CUX2: variants seen among roughly 807,000 people sequenced by gnomAD.
The protein encoded by CUX2 is homeobox protein cut-like 2.
In CUX2, 40 loss-of-function variants were observed where a neutral mutation model predicts 144.8. The ratio of observed to expected loss-of-function variants is 0.28; its 90% CI spans 0.21 to 0.36. The LOEUF (loss-of-function observed/expected upper bound fraction) is 0.36. Ranked by LOEUF, CUX2 falls within the 10% of genes least tolerant of loss-of-function variation. The pLI, the probability that CUX2 is intolerant of heterozygous loss-of-function variation, is 1.00. For synonymous variants in CUX2, 827 were observed against 875.6 expected (o/e 0.94, Z 0.98); for missense variants, 1,615 against 1,994.0 (o/e 0.81, Z 3.62).
intron 18 of CUX2, among the ~76,000 whole-genome samples, chr12:111,333,163 C>T (rs1372319294): frequency 6.6e-6 from 1 of 152,136 alleles, no homozygotes; most frequent in Non-Finnish European, 1.5e-5. Context: ...GAGCCAAGAT[C>T]ATGCCACTGC....
intron 1 of CUX2, among the ~76,000 whole-genome samples, chr12:111,179,115 G>A (rs1472611833): frequency 1.3e-5 from 2 of 152,112 alleles, no homozygotes; most frequent in Non-Finnish European, 2.9e-5. Flanking sequence ...AGCCCTAGAG[G>A]GGACCGTGGA....
chr12:111,263,872 T>C lies in CUX2; in HGVS notation c.301+33T>C. ...ATGCTTGGGCTCCGTAATTGAATAG[T>C]TAACGACAATAAATAGCCATTAGGA... On this transcript the variant is annotated intron_variant, in intron 4 of 21. Transcript: ENST00000261726. The surrounding 1 kb of genome is among the most constrained non-coding windows in gnomAD (Gnocchi z 4.0). The C allele has an allele frequency of 6.4e-7, 1 of 1,571,094 alleles. No homozygotes were observed. Among genetic ancestry groups the C allele is most frequent in the African/African-American group, 1.3e-5 (1 of 74,122 alleles).
intron 1 of CUX2, among the ~76,000 whole-genome samples, chr12:111,164,339 G>T (rs1373323429): frequency 6.6e-6 from 1 of 152,140 alleles, no homozygotes; most frequent in Non-Finnish European, 1.5e-5. Context: ...ACTTTGGGAG[G>T]CTGAGGCGGG....
intron 18 of CUX2, among the ~76,000 whole-genome samples, chr12:111,333,726 ACCAGTGCCTGTAATC>A (rs1030226392): frequency 2.6e-5 from 4 of 152,270 alleles, no homozygotes; most frequent in African/African-American, 9.6e-5. Flanking sequence ...GATGGTATCC[ACCAGTGCCTGTAATC>A]CCAGCTAGTC....
At position 111,110,456 on chromosome 12, in the gene CUX2, CA is replaced by C. The variant is rs11358130; in HGVS notation, c.63+76217del. 9.3e-3 allele frequency among the ~76,000 whole-genome samples: 1,413 copies of C among 152,294 alleles called. 23 individuals carry two copies. Among genetic ancestry groups the C allele is most frequent in the African/African-American group, 0.032 (1,323 of 41,548 alleles). On this transcript the variant is annotated intron_variant, in intron 1 of 21. Coordinates refer to ENST00000261726, the MANE Select transcript of CUX2 (RefSeq NM_015267.4). ...TATCCCTTCGCCAGAGTGACTCAAA[CA>C]TTAATACGGGCCTCCAAGTGTTACC... is the stretch of plus-strand genomic sequence containing the variant.
rs1258071832 is a variant in CUX2, at chr12:111,312,232, G to A, written c.2002+31G>A. ...TGTGACCCCTGCAGGCAAAGCCTGA[G>A]GCCCCCGGGGCCAGCTGCGAACAGG... On this transcript the variant is annotated intron_variant, in intron 16 of 21. Coordinates refer to ENST00000261726, the MANE Select transcript of CUX2 (RefSeq NM_015267.4). The surrounding 1 kb of genome is among the most constrained non-coding windows in gnomAD (Gnocchi z 4.3). The A allele has an allele frequency of 1.3e-6, 2 of 1,553,760 alleles. No individual in the cohort carries two copies. The highest frequency in any genetic ancestry group is 1.4e-5 in the African/African-American group (1 of 73,256).
intron 4 of CUX2, among the ~76,000 whole-genome samples, chr12:111,276,643 GTTTGT>G (rs60318566): frequency 0.029 from 4,429 of 151,092 alleles, 82 homozygotes; most frequent in Non-Finnish European, 0.041. Context: ...TTGTTTGTTT[GTTTGT>G]TTTGTTTTGT....
intron 1 of CUX2, among the ~76,000 whole-genome samples, chr12:111,126,961 T>G (rs1875123374): frequency 6.6e-6 from 1 of 152,226 alleles, no homozygotes; most frequent in African/African-American, 2.4e-5. Context: ...TCAGTGATGT[T>G]TACTCTTTTC....
chr12:111,139,551 C>G (rs951566111), intron 1 of CUX2, among the ~76,000 whole-genome samples: 2 of 152,156 alleles, frequency 1.3e-5, no homozygotes, highest in African/African-American at 4.8e-5. Context: ...AGAGGAGGCT[C>G]TTCTAAGGCA....
intron 1 of CUX2, among the ~76,000 whole-genome samples, chr12:111,149,527 G>T (rs1656544404): frequency 6.6e-6 from 1 of 152,130 alleles, no homozygotes; most frequent in African/African-American, 2.4e-5. Context: ...ATCCCAAAGT[G>T]AAATGACCAA....
chr12:111,320,604 G>A lies in CUX2; in HGVS notation c.2595G>A (p.Leu865=), dbSNP rs1887478402. ...EGATAEAGAR[L]PYYPAYVPRT... is the part of the protein sequence containing the mutation. ...CGACGGCCGAGGCGGGCGCGCGGCT[G>A]CCCTACTACCCGGCCTACGTGCCGC... The change falls in exon 17 of 22, where the codon CTG becomes CTA. Residue 865 remains leucine, a synonymous_variant. Transcript: ENST00000261726. This position sits in a 1 kb window ranked among gnomAD's most constrained non-coding sequence, Gnocchi z 8.1. The A allele has an allele frequency of 6.4e-7, 1 of 1,557,910 alleles. No homozygotes were observed. The highest frequency in any genetic ancestry group is 8.6e-7 in the Non-Finnish European group (1 of 1,161,148).
chr12:111,249,147 G>A (rs1467212012), intron 3 of CUX2, among the ~76,000 whole-genome samples: 2 of 152,172 alleles, frequency 1.3e-5, no homozygotes, highest in African/African-American at 4.8e-5. Flanking sequence ...GGAGGGGCAG[G>A]CTTTGGCAAG....
chr12:111,217,512 C>T (rs1282234957), intron 2 of CUX2, among the ~76,000 whole-genome samples: 1 of 152,128 alleles, frequency 6.6e-6, no homozygotes, highest in Non-Finnish European at 1.5e-5. Context: ...GGTTACCTCT[C>T]CAGCCCCCAC....
At position 111,186,441 on chromosome 12, in the gene CUX2, A is replaced by G. The variant is rs971893659; in HGVS notation, c.64-27759A>G. On this transcript the variant is annotated intron_variant, in intron 1 of 21. Coordinates refer to ENST00000261726, the MANE Select transcript of CUX2 (RefSeq NM_015267.4). This position sits in a 1 kb window ranked among gnomAD's most constrained non-coding sequence, Gnocchi z 4.4. ...ATGACGTTAAGCTGAGACCCGAAGC[A>G]TAAACTAGGCGGGGAACAGGGGAGC... 1.3e-5 allele frequency among the ~76,000 whole-genome samples: 2 copies of G among 152,212 alleles called. No individual in the cohort carries two copies. Among genetic ancestry groups the G allele is most frequent in the Non-Finnish European group, 2.9e-5 (2 of 68,034 alleles).
chr12:111,299,261 A>G (rs1160211629), intron 9 of CUX2, among the ~76,000 whole-genome samples: 1 of 152,132 alleles, frequency 6.6e-6, no homozygotes, highest in African/African-American at 2.4e-5. Flanking sequence ...TGGCAGGGAG[A>G]GAGGTCATTT....
rs1872679702 is a variant in CUX2, at chr12:111,093,987, G to A, written c.63+59747G>A. Among the ~76,000 whole-genome samples the A allele has an allele frequency of 2.6e-5, 4 of 152,208 alleles. No homozygotes were observed. The South Asian group carries it at 8.3e-4, about 32-fold the overall frequency. On this transcript the variant is annotated intron_variant, in intron 1 of 21. Coordinates refer to ENST00000261726, the MANE Select transcript of CUX2 (RefSeq NM_015267.4). ...CTATAGTCGTTCGCGCCAGCAAGGA[G>A]GGGAAAAATGCATAACTGCACTTTC...
intron 1 of CUX2, among the ~76,000 whole-genome samples, chr12:111,156,737 G>T (rs1877397226): frequency 6.6e-6 from 1 of 152,120 alleles, no homozygotes; most frequent in Admixed American, 6.5e-5. Flanking sequence ...CAGCACTTTG[G>T]GAGGCTGAGG....
chr12:111,244,145 G>A (rs755147003), intron 3 of CUX2, among the ~76,000 whole-genome samples: 9 of 151,836 alleles, frequency 5.9e-5, no homozygotes, highest in African/African-American at 1.2e-4. Flanking sequence ...GGCTGGTCTC[G>A]AAATCCTGGG....
At chr12:111,330,217 C>T (rs1436203635) in intron 18 of CUX2, among the ~76,000 whole-genome samples, 1 of 152,180 alleles carries the variant, frequency 6.6e-6, no homozygotes, top group Non-Finnish European at 1.5e-5. Flanking sequence ...AACTCGGGGG[C>T]TTCACCTTGC....
Sources: gnomAD v4.1 joint callset for allele counts (sites outside exome capture counted in the v4.1 genomes callset) on GRCh38, gnomAD v4.1.1 for gene constraint, Gnocchi (gnomAD v3.1) non-coding constraint, MANE v1.5 for transcripts, NCBI Gene and HGNC (gene_info 2026-07-23, HGNC 2026-07-21) for gene names.